Variants in CDC42BPB observed in about 807,000 individuals in gnomAD.
The protein encoded by CDC42BPB is CDC42 binding protein kinase beta.
A neutral mutation model predicts 214.9 loss-of-function variants in CDC42BPB; 37 were observed. The ratio of observed to expected loss-of-function variants is 0.17; its 90% CI spans 0.13 to 0.23. CDC42BPB has a LOEUF of 0.23. Among genes scored for constraint, CDC42BPB ranks in the 10% least tolerant of loss-of-function variants. The pLI is 1.00. For missense variants in CDC42BPB, 1,694 were observed against 2,227.0 expected (o/e 0.76, Z 4.82); for synonymous variants, 931 against 884.0 (o/e 1.05, Z -0.94).
In CDC42BPB at chr14:102,975,865, A is replaced by G. The variant is rs1025375633; in HGVS notation, c.1387+18T>C. ...CCGCAGCGCCCCCGCCTGGCCCCGGAGCCGGCGCTGCCCTCACCTTGCAGC... is the reference window on the plus strand; with the variant it reads ...CCGCAGCGCCCCCGCCTGGCCCCGGGGCCGGCGCTGCCCTCACCTTGCAGC... On this transcript the variant is annotated intron_variant, in intron 10 of 36. Transcript: ENST00000361246. 6.2e-7 allele frequency: 1 copy of G among 1,613,934 alleles called. No homozygotes were observed. Among genetic ancestry groups the G allele is most frequent in the Non-Finnish European group, 8.5e-7 (1 of 1,179,898 alleles).
intron 18 of CDC42BPB, among the ~76,000 whole-genome samples, chr14:102,965,427 G>A (rs1002354398): frequency 6.7e-6 from 1 of 149,836 alleles, no homozygotes; most frequent in Non-Finnish European, 1.5e-5. Context: ...AATAATAAGG[G>A]AAGAATGACA....
At chr14:103,030,650 C>T (rs1287906931) in intron 1 of CDC42BPB, among the ~76,000 whole-genome samples, 8 of 152,038 alleles carry the variant, frequency 5.3e-5, no homozygotes, top group Admixed American at 5.2e-4. Flanking sequence ...GAGCCCAGAT[C>T]CCATCACTGC....
At chr14:102,979,331 G>C (rs1893896325) in intron 8 of CDC42BPB, among the ~76,000 whole-genome samples, 1 of 151,600 alleles carries the variant, frequency 6.6e-6, no homozygotes, top group South Asian at 2.1e-4. Flanking sequence ...TCCTGCCTCA[G>C]CCTCCCAAGT....
intron 1 of CDC42BPB, among the ~76,000 whole-genome samples, chr14:103,032,912 C>T (rs1197898591): frequency 4.0e-5 from 6 of 149,230 alleles, no homozygotes; most frequent in South Asian, 2.1e-4. Flanking sequence ...CCACCGTGCC[C>T]GGCCACAAAT....
chr14:102,946,909 C>T (rs1374949777), intron 27 of CDC42BPB: 1 of 979,908 alleles, frequency 1.0e-6, no homozygotes, highest in Non-Finnish European at 1.2e-6. Context: ...GCTTCCTGGT[C>T]CCATTTTCGT....
intron 19 of CDC42BPB, among the ~76,000 whole-genome samples, chr14:102,964,277 C>G (rs1047035004): frequency 6.6e-6 from 1 of 152,264 alleles, no homozygotes; most frequent in African/African-American, 2.4e-5. Flanking sequence ...ACCACACCCC[C>G]CCGCGGCAGG....
chr14:102,990,138 C>G (rs967240815), intron 5 of CDC42BPB, among the ~76,000 whole-genome samples: 4 of 152,104 alleles, frequency 2.6e-5, no homozygotes, highest in Non-Finnish European at 4.4e-5. Flanking sequence ...GAATAAAACT[C>G]AATCAACAAA....
At position 102,933,463 on chromosome 14, in the gene CDC42BPB, A is replaced by C; in HGVS notation, c.*249T>G. ...TTGTCAGGGGTGGGAGACAGGCTGT[A>C]TGGGGGTCCTTCATGTGCAGATGGA... On this transcript the variant is annotated 3_prime_UTR_variant, in exon 37 of 37. Transcript: ENST00000361246. The C allele has an allele frequency of 2.7e-6, 1 of 369,330 alleles. No homozygotes were observed. The highest frequency in any genetic ancestry group is 4.8e-6 in the Non-Finnish European group (1 of 208,456). The allele number at this position is 369,330 out of a possible 1,614,324, so 22.9% of individuals were successfully genotyped here.
At chr14:102,936,228 T>C (rs573562917) in intron 36 of CDC42BPB, among the ~76,000 whole-genome samples, 3 of 152,204 alleles carry the variant, frequency 2.0e-5, no homozygotes, top group Non-Finnish European at 4.4e-5. Context: ...ACCACATAAA[T>C]CCAGCAATCC....
chr14:102,982,666 G>C lies in CDC42BPB; in HGVS notation c.891+890C>G, dbSNP rs143454035. On this transcript the variant is annotated intron_variant, in intron 7 of 36. Transcript: ENST00000361246. ...GGCACCTATAATCCCAGCTACTCAG[G>C]AAACTGAGGCAGGAGAATCGCTTGA... is the stretch of plus-strand genomic sequence containing the variant. Among the ~76,000 whole-genome samples the C allele has an allele frequency of 1.3e-3, 198 of 152,266 alleles. 1 individual carries two copies. Among genetic ancestry groups the C allele is most frequent in the African/African-American group, 4.7e-3 (195 of 41,542 alleles).
At chr14:102,991,946 C>T (rs1053230469) in intron 5 of CDC42BPB, among the ~76,000 whole-genome samples, 4 of 152,240 alleles carry the variant, frequency 2.6e-5, no homozygotes, top group Non-Finnish European at 5.9e-5. Flanking sequence ...GCTATTCAAA[C>T]TCAAATTAAT....
rs576268495 is a variant in CDC42BPB, at chr14:102,943,770, C to G, written c.4408+121G>C. On this transcript the variant is annotated intron_variant, in intron 30 of 36. Transcript: ENST00000361246. This position sits in a 1 kb window ranked among gnomAD's most constrained non-coding sequence, Gnocchi z 4.6. The stretch of plus-strand genomic sequence containing the variant: ...CGGGCTGGCATGGGGCCCACCTCTC[C>G]CGATGCTCTGTGACTACTCAACTAA... The G allele has an allele frequency of 1.2e-6, 1 of 867,548 alleles. No homozygotes were observed. Among genetic ancestry groups the G allele is most frequent in the African/African-American group, 1.7e-5 (1 of 59,398 alleles). 53.7% of individuals were successfully genotyped at this position (867,548 alleles called of 1,614,324 possible). A position where few individuals can be genotyped will look rare whatever the true frequency, so the allele number is the denominator to read the frequency against.
rs547906994 is a variant in CDC42BPB at position 102,947,746 on chromosome 14, C to T, written c.3506G>A (p.Arg1169His). The T allele has an allele frequency of 8.7e-6, 14 of 1,612,300 alleles. No homozygotes were observed. The highest frequency in any genetic ancestry group is 8.0e-5 in the African/African-American group (6 of 75,010). Residue 1169 changes from arginine to histidine, a missense_variant, in exon 27 of 37, where the codon CGC becomes CAC. Physicochemically the swap from Arg to His is conservative, Grantham distance 29. This residue lies in a region of CDC42BPB where 567 missense variants were observed against 790.3 expected (regional missense o/e 0.72). Transcript: ENST00000361246. ...VLASDVIHAT[R>H]RDIPCIFRVT... ...CCTGAATATACATGGAATATCTCGG[C>T]GTGTAGCATGAATGACATCTGAGGC...
rs1011195741 is a variant in CDC42BPB at position 103,001,951 on chromosome 14, C to T, written c.447+1977G>A. 2.0e-5 allele frequency among the ~76,000 whole-genome samples: 3 copies of T among 152,132 alleles called. No homozygotes were observed. Among genetic ancestry groups the T allele is most frequent in the Non-Finnish European group, 4.4e-5 (3 of 68,026 alleles). Reference sequence around the variant, plus strand: ...AGCTCGTGAGGCAGACGGCGGAGGCCCACTCCAGAATGAGAATCAGACCTA... The same window carrying T: ...AGCTCGTGAGGCAGACGGCGGAGGCTCACTCCAGAATGAGAATCAGACCTA... On this transcript the variant is annotated intron_variant, in intron 4 of 36. Transcript: ENST00000361246. The surrounding 1 kb of genome is among the most constrained non-coding windows in gnomAD (Gnocchi z 5.8).
At chr14:103,030,629 G>A (rs1282516518) in intron 1 of CDC42BPB, among the ~76,000 whole-genome samples, 3 of 152,162 alleles carry the variant, frequency 2.0e-5, no homozygotes, top group Non-Finnish European at 4.4e-5. Context: ...CTGGGAGGTG[G>A]AGGTTGCAGT....
At chr14:102,950,420 C>A (rs954503455) in intron 25 of CDC42BPB, 46 bp downstream of exon 25, 3 of 1,605,934 alleles carry the variant, frequency 1.9e-6, no homozygotes, top group Non-Finnish European at 2.5e-6. Flanking sequence ...TTGGTCACTG[C>A]ACCTCACAGG....
chr14:102,981,335 T>C, intron 7 of CDC42BPB: 1 of 271,720 alleles, frequency 3.7e-6, no homozygotes, highest in Non-Finnish European at 5.6e-6. Flanking sequence ...CCCGTCAGAA[T>C]GCACAGTGCA....
chr14:102,975,899 C>G lies in CDC42BPB; in HGVS notation c.1371G>C (p.Leu457=). ...IRRLEQEKLE[L]SRKLQESTQT... is the part of the protein sequence containing the mutation. ...TGCCCTCACCTTGCAGCTTCCTGCT[C>G]AGCTCCAGCTTCTCCTGTTCCAGCC... Residue 457 remains leucine (L), a synonymous_variant, in exon 10 of 37, where the codon CTG becomes CTC. Transcript: ENST00000361246. 1 of 1,614,184 alleles carries G rather than the reference C, an allele frequency of 6.2e-7. No homozygotes were observed. The highest frequency in any genetic ancestry group is 1.1e-5 in the South Asian group (1 of 91,088).
chr14:103,028,528 AG>A (rs1887173810), intron 1 of CDC42BPB, among the ~76,000 whole-genome samples: 1 of 152,244 alleles, frequency 6.6e-6, no homozygotes, highest in Admixed American at 6.5e-5. Flanking sequence ...TACGCATCAC[AG>A]AAGATGTGCT....
Sources: gnomAD v4.1 joint callset for allele counts (sites outside exome capture counted in the v4.1 genomes callset) on GRCh38, gnomAD v4.1.1 for gene constraint, gnomAD v4.1.1 regional missense constraint, Gnocchi (gnomAD v3.1) non-coding constraint, MANE v1.5 for transcripts, NCBI Gene and HGNC (gene_info 2026-07-23, HGNC 2026-07-21) for gene names.